PRAM1: variants seen among roughly 807,000 people sequenced by gnomAD.
PRAM1 encodes PML-RARA regulated adaptor molecule 1.
In PRAM1, 41 loss-of-function variants were observed where a neutral mutation model predicts 55.3. That is an observed-to-expected ratio of 0.74 (90% CI 0.58 to 0.96). The LOEUF (loss-of-function observed/expected upper bound fraction) is 0.96. Among genes scored for constraint, PRAM1 ranks in the 40% least tolerant of loss-of-function variants. The probability of loss-of-function intolerance (pLI) is 0.00; values close to 1 mark genes in which losing one functional copy is unlikely to be tolerated. For missense variants in PRAM1, 898 were observed against 892.7 expected (o/e 1.01, Z -0.08); for synonymous variants, 401 against 387.1 (o/e 1.04, Z -0.42).
chr19:8,494,960 C>T lies in PRAM1; in HGVS notation c.1576+2804G>A, dbSNP rs1422618560. Among the ~76,000 whole-genome samples, 2 of 125,280 alleles carry T rather than the reference C, an allele frequency of 1.6e-5. 1 individual carries two copies. The highest frequency in any genetic ancestry group is 3.4e-5 in the Non-Finnish European group (2 of 58,424). 82.2% of individuals were successfully genotyped at this position (125,280 alleles called of 152,430 possible). Reference sequence around the variant, plus strand: ...TTTTTTTTTTTTCAACTGAGACAGACACAGAGTCTCACTCTGTCACCCAGG... The same window carrying T: ...TTTTTTTTTTTTCAACTGAGACAGATACAGAGTCTCACTCTGTCACCCAGG... On this transcript the variant is annotated intron_variant, in intron 4 of 9. Coordinates refer to ENST00000423345, the MANE Select transcript of PRAM1 (RefSeq NM_032152.5).
At position 8,490,814 on chromosome 19, in the gene PRAM1, C is replaced by G. The variant is rs1971613064; in HGVS notation, c.1744-58G>C. ...GCTGCCGCCCTTGGGCCCCTGTCTT[C>G]TTTCTGAGCCTGGGATCGGTGGGAC... On this transcript the variant is annotated intron_variant, in intron 6 of 9. Transcript: ENST00000423345. The surrounding 1 kb of genome is among the most constrained non-coding windows in gnomAD (Gnocchi z 7.3). The G allele has an allele frequency of 8.7e-6, 14 of 1,607,402 alleles. No homozygotes were observed. The South Asian group carries it at 1.5e-4, about 18-fold the overall frequency.
chr19:8,491,082 C>A lies in PRAM1; in HGVS notation c.1634+18G>T, dbSNP rs751099764. 8 of 1,612,222 alleles carry A rather than the reference C, an allele frequency of 5.0e-6. No homozygotes were observed. The highest frequency in any genetic ancestry group is 5.9e-6 in the Non-Finnish European group (7 of 1,179,836). ...TGGAGCTCGCCCCCCGTCTGCCCAC[C>A]CCCTCTGCCCATGGCACCTGAGCGC... On this transcript the variant is annotated intron_variant, in intron 5 of 9. Transcript: ENST00000423345.
intron 4 of PRAM1, chr19:8,491,817 A>C (rs901802906): frequency 2.0e-5 from 3 of 153,742 alleles, no homozygotes; most frequent in African/African-American, 7.2e-5. Flanking sequence ...AAAGGCTCAG[A>C]GAGGTCAAGC....
chr19:8,494,558 A>G (rs1470704101), intron 4 of PRAM1, among the ~76,000 whole-genome samples: 1 of 151,888 alleles, frequency 6.6e-6, no homozygotes, highest in Non-Finnish European at 1.5e-5. Context: ...CCTGCCACAG[A>G]TCCAGCTCGT....
rs776305503 is a variant in PRAM1 at position 8,498,214 on chromosome 19, C to T, written c.1499+9G>A. On this transcript the variant is annotated intron_variant, in intron 3 of 9. Coordinates refer to ENST00000423345, the MANE Select transcript of PRAM1 (RefSeq NM_032152.5). ...TCCGCACCCACCTCCGCTTCCTCCC[C>T]ACACTCACTGCGGGATGTCTTCAGG... is the stretch of plus-strand genomic sequence containing the variant. 8 of 1,611,016 alleles carry T rather than the reference C, an allele frequency of 5.0e-6. No individual in the cohort carries two copies. Among genetic ancestry groups the T allele is most frequent in the Non-Finnish European group, 5.9e-6 (7 of 1,179,278 alleles).
intron 4 of PRAM1, among the ~76,000 whole-genome samples, chr19:8,494,243 G>A (rs1171208409): frequency 1.3e-5 from 2 of 152,184 alleles, no homozygotes; most frequent in African/African-American, 2.4e-5. Flanking sequence ...AAGAGGTGGG[G>A]GATTCCAGCA....
chr19:8,492,694 T>G (rs933036754), intron 4 of PRAM1, among the ~76,000 whole-genome samples: 2 of 152,136 alleles, frequency 1.3e-5, no homozygotes, highest in African/African-American at 4.8e-5. Flanking sequence ...AGGGCAATGA[T>G]AGTTGACAGT....
chr19:8,498,630 A>C lies in PRAM1; in HGVS notation c.1178T>G (p.Leu393Arg). The C allele has an allele frequency of 6.2e-7, 1 of 1,612,482 alleles. No individual in the cohort carries two copies. Among genetic ancestry groups the C allele is most frequent in the East Asian group, 2.2e-5 (1 of 44,856 alleles). Residue 393 changes from leucine (L) to arginine (R), a missense_variant, in exon 2 of 10, where the codon CTG becomes CGG. By Grantham distance (102) the Leu-to-Arg change is moderately radical (BLOSUM62 -2). Around this residue, in one of 4 missense-constraint regions of PRAM1, gnomAD observed 787 missense variants for 735.4 expected, o/e 1.07. Coordinates refer to ENST00000423345, the MANE Select transcript of PRAM1 (RefSeq NM_032152.5). ...GCTGAAGCCGGCCACGGCCGCAGGCAGTGAGCTCTCGGAAGCGGAGCTGGG... is the reference window on the plus strand; with the variant it reads ...GCTGAAGCCGGCCACGGCCGCAGGCCGTGAGCTCTCGGAAGCGGAGCTGGG... ...PLPSSASESS[L>R]PAAVAGFSSR... is the part of the protein sequence containing the mutation.
At chr19:8,492,224 C>T (rs544764421) in intron 4 of PRAM1, among the ~76,000 whole-genome samples, 20 of 137,092 alleles carry the variant, frequency 1.5e-4, no homozygotes, top group African/African-American at 4.7e-4. Flanking sequence ...CGTGAGCCAC[C>T]GTGCCTAGCC....
intron 4 of PRAM1, among the ~76,000 whole-genome samples, chr19:8,497,146 C>G (rs1290169112): frequency 7.9e-5 from 12 of 151,036 alleles, no homozygotes; most frequent in Admixed American, 7.9e-4. Context: ...CTTGAAACTT[C>G]CCTGCTTTAT....
rs8102061 is a variant in PRAM1 at position 8,493,433 on chromosome 19, C to T, written c.1577-2276G>A. ...CCGTGAGCAGTCACTCCACCAGGAG[C>T]GAACCTGACCTTGGCACTCCAGGGT... On this transcript the variant is annotated intron_variant, in intron 4 of 9. Coordinates refer to ENST00000423345, the MANE Select transcript of PRAM1 (RefSeq NM_032152.5). The surrounding 1 kb of genome is among the most constrained non-coding windows in gnomAD (Gnocchi z 4.1). Among the ~76,000 whole-genome samples the T allele has an allele frequency of 0.011, 1,743 of 152,292 alleles. 36 individuals carry two copies. Among genetic ancestry groups the T allele is most frequent in the African/African-American group, 0.039 (1,635 of 41,556 alleles).
At chr19:8,496,403 C>T (rs3111565) in intron 4 of PRAM1, among the ~76,000 whole-genome samples, 43,494 of 151,446 alleles carry the variant, frequency 0.29, 7,414 homozygotes, top group Non-Finnish European at 0.39. Flanking sequence ...GATAACAGAG[C>T]GAGACTGTGT....
At position 8,498,495 on chromosome 19, in the gene PRAM1, G is replaced by A. The variant is rs1971735507; in HGVS notation, c.1313C>T (p.Pro438Leu). The stretch of plus-strand genomic sequence containing the variant: ...AGGGGGCAGAGGCCTCCGCCGGGGT[G>A]GATGGCTGGGTCTGAGGCCTGGCCT... ...GARPGLRPSH[P>L]PRRRPLPPAS... Residue 438 changes from proline (P) to leucine (L), a missense_variant, in exon 2 of 10, where the codon CCA (proline) becomes CTA (leucine). Around this residue, in one of 4 missense-constraint regions of PRAM1, gnomAD observed 787 missense variants for 735.4 expected, o/e 1.07. Coordinates refer to ENST00000423345, the MANE Select transcript of PRAM1 (RefSeq NM_032152.5). 6.3e-7 allele frequency: 1 copy of A among 1,595,438 alleles called. No individual in the cohort carries two copies. Among genetic ancestry groups the A allele is most frequent in the African/African-American group, 1.3e-5 (1 of 74,500 alleles).
In PRAM1 at chr19:8,490,399, G is replaced by A; in HGVS notation, c.1941-27C>T. The A allele has an allele frequency of 6.2e-7, 1 of 1,613,904 alleles. No individual in the cohort carries two copies. The highest frequency in any genetic ancestry group is 8.5e-7 in the Non-Finnish European group (1 of 1,179,870). On this transcript the variant is annotated intron_variant, in intron 8 of 9. Transcript: ENST00000423345. This position sits in a 1 kb window ranked among gnomAD's most constrained non-coding sequence, Gnocchi z 7.3. The stretch of plus-strand genomic sequence containing the variant: ...TGGCAGAGCACAGTTGGGTCAGCAA[G>A]GGGCACCGTGGCCCATTCCCCCCAC...
At position 8,493,900 on chromosome 19, in the gene PRAM1, C is replaced by A. The variant is rs1040383321; in HGVS notation, c.1577-2743G>T. Among the ~76,000 whole-genome samples the A allele has an allele frequency of 2.0e-5, 3 of 152,012 alleles. No homozygotes were observed. The highest frequency in any genetic ancestry group is 4.4e-5 in the Non-Finnish European group (3 of 68,020). On this transcript the variant is annotated intron_variant, in intron 4 of 9. Coordinates refer to ENST00000423345, the MANE Select transcript of PRAM1 (RefSeq NM_032152.5). The surrounding 1 kb of genome is among the most constrained non-coding windows in gnomAD (Gnocchi z 4.1). Reference sequence around the variant, plus strand: ...GCAGCCTCCATCTCCTGGATTCAAGCGATCCTCCCACCTCAGCCTCCCCAG... The same window carrying A: ...GCAGCCTCCATCTCCTGGATTCAAGAGATCCTCCCACCTCAGCCTCCCCAG...
At position 8,499,170 on chromosome 19, in the gene PRAM1, G is replaced by A. The variant is rs1275574716; in HGVS notation, c.638C>T (p.Pro213Leu). ...RSPQPELSTF[P>L]KKPAQPEFNV... ...GAACTCAGGCTGCGCAGGCTTCTTG[G>A]GAAAGGTACTCAACTCAGGCTGCGG... Residue 213 changes from proline (P) to leucine (L), a missense_variant, in exon 2 of 10, where the codon CCC becomes CTC. Pro to Leu is a moderately conservative substitution (Grantham distance 98, BLOSUM62 -3). This residue lies in a region of PRAM1 where 787 missense variants were observed against 735.4 expected (regional missense o/e 1.07). Coordinates refer to ENST00000423345, the MANE Select transcript of PRAM1 (RefSeq NM_032152.5). The A allele has an allele frequency of 6.2e-7, 1 of 1,613,758 alleles. No individual in the cohort carries two copies. Among genetic ancestry groups the A allele is most frequent in the South Asian group, 1.1e-5 (1 of 91,080 alleles).
Position 8,490,653 on chromosome 19 carries a change from AG to A in PRAM1, c.1846del (p.Leu616TrpfsTer3). The A allele has an allele frequency of 6.3e-7, 1 of 1,589,190 alleles. No homozygotes were observed. On this transcript the variant is annotated frameshift_variant, in exon 7 of 10. Coordinates refer to ENST00000423345, the MANE Select transcript of PRAM1 (RefSeq NM_032152.5). LOFTEE classifies it high-confidence loss of function. The surrounding 1 kb of genome is among the most constrained non-coding windows in gnomAD (Gnocchi z 7.3). The stretch of plus-strand genomic sequence containing the variant: ...ATTGCTGGTGAACTCGATCACCTCC[AG>A]GATCTCCCCGCGCCGGATCCCGAGG... The part of the protein sequence containing the change: ...KHLGIRRGEI[L>X]EVIEFTSNEE...
At chr19:8,495,946 G>C (rs1283005853) in intron 4 of PRAM1, 6 of 401,246 alleles carry the variant, frequency 1.5e-5, no homozygotes, top group African/African-American at 1.2e-4. Flanking sequence ...ATTAACTGTG[G>C]AGCTGGGCAG....
Position 8,490,616 on chromosome 19 carries a change from C to T in PRAM1, c.1884G>A (p.Leu628=), listed in dbSNP as rs1157443738. The change falls in exon 7 of 10, where the codon CTG becomes CTA. Residue 628 remains leucine (L), a synonymous_variant. Coordinates refer to ENST00000423345, the MANE Select transcript of PRAM1 (RefSeq NM_032152.5). This position sits in a 1 kb window ranked among gnomAD's most constrained non-coding sequence, Gnocchi z 7.3. ...CACATTTGCCTTTGGGGTCCCGGCA[C>T]AGCATCTCCTCATTGCTGGTGAACT... ...VIEFTSNEEM[L]CRDPKGKYGY... 1.3e-6 allele frequency: 2 copies of T among 1,584,670 alleles called. No homozygotes were observed.
Sources: gnomAD v4.1 joint callset for allele counts (sites outside exome capture counted in the v4.1 genomes callset) on GRCh38, gnomAD v4.1.1 for gene constraint, gnomAD v4.1.1 regional missense constraint, Gnocchi (gnomAD v3.1) non-coding constraint, MANE v1.5 for transcripts, NCBI Gene and HGNC (gene_info 2026-07-23, HGNC 2026-07-21) for gene names.